The following DTD1 variants were observed in gnomAD, a reference collection of about 807,000 sequenced individuals.
DTD1 encodes D-tyrosyl-tRNA deacylase 1 homolog.
A neutral mutation model predicts 25.6 loss-of-function variants in DTD1; 13 were observed. The ratio of observed to expected loss-of-function variants is 0.51; its 90% confidence interval spans 0.33 to 0.81. The LOEUF is 0.81. Among genes scored for constraint, DTD1 ranks in the 30% least tolerant of loss-of-function variants. The probability of loss-of-function intolerance (pLI) is 0.02; values close to 1 mark genes in which losing one functional copy is unlikely to be tolerated. For missense variants in DTD1, 193 were observed against 266.4 expected (o/e 0.72, Z 1.92); for synonymous variants, 110 against 103.6 (o/e 1.06, Z -0.37).
intron 4 of DTD1, among the ~76,000 whole-genome samples, chr20:18,724,085 G>A (rs1385430912): frequency 6.6e-6 from 1 of 152,178 alleles, no homozygotes; most frequent in East Asian, 1.9e-4. Flanking sequence ...AGACTTTCCT[G>A]GAAGCCCCTG....
chr20:18,692,697 C>T (rs576964797), intron 4 of DTD1, among the ~76,000 whole-genome samples: 3 of 152,264 alleles, frequency 2.0e-5, no homozygotes, highest in African/African-American at 7.2e-5. Context: ...AACCTTGGCT[C>T]CTAGCACTTG....
At chr20:18,731,004 A>C (rs918175360) in intron 4 of DTD1, among the ~76,000 whole-genome samples, 25 of 152,134 alleles carry the variant, frequency 1.6e-4, no homozygotes, top group Non-Finnish European at 2.6e-4. Context: ...CCCAACATAT[A>C]GTTTGTCAGT....
Position 18,661,272 on chromosome 20 carries a change from TGA to T in DTD1, c.477+33040_477+33041del, listed in dbSNP as rs1249813216. On this transcript the variant is annotated intron_variant, in intron 4 of 5. Transcript: ENST00000377452. ...TATAAATTTTAGAAAAAGCTGTCTG[TGA>T]CTACAAAAAATGATGCTGGGAATTT... 3.3e-5 allele frequency among the ~76,000 whole-genome samples: 5 copies of T among 152,280 alleles called. No individual in the cohort carries two copies. In the East Asian group the frequency reaches 9.6e-4, roughly 29 times the overall value.
chr20:18,614,477 G>A (rs1191799255), intron 3 of DTD1, among the ~76,000 whole-genome samples: 2 of 152,186 alleles, frequency 1.3e-5, no homozygotes, highest in African/African-American at 2.4e-5. Context: ...CAGTAAAGCC[G>A]CTGGAGTATC....
At chr20:18,733,578 C>T (rs1425978675) in intron 4 of DTD1, among the ~76,000 whole-genome samples, 1 of 152,218 alleles carries the variant, frequency 6.6e-6, no homozygotes, top group African/African-American at 2.4e-5. Flanking sequence ...GGTGTTCCAC[C>T]ATGTCCCCTT....
At chr20:18,694,779 C>A (rs890967483) in intron 4 of DTD1, among the ~76,000 whole-genome samples, 4 of 152,066 alleles carry the variant, frequency 2.6e-5, no homozygotes, top group Non-Finnish European at 4.4e-5. Context: ...TTGTAGACAT[C>A]TAGAAAACAA....
Position 18,631,853 on chromosome 20 carries a change from G to C in DTD1, c.477+3620G>C, listed in dbSNP as rs1028834687. 52 of 985,060 alleles carry C rather than the reference G, an allele frequency of 5.3e-5. No homozygotes were observed. In the Admixed American group the frequency reaches 7.4e-4, roughly 14 times the overall value. The allele number at this position is 985,060 out of a possible 1,614,324, so 61.0% of individuals were successfully genotyped here. ...CATTCTAAATATTTTTCTGGAAATGGTAGAATAGTACATTTTGCCTTTAGA... is the reference window on the plus strand; with the variant it reads ...CATTCTAAATATTTTTCTGGAAATGCTAGAATAGTACATTTTGCCTTTAGA... On this transcript the variant is annotated intron_variant, in intron 4 of 5. Coordinates refer to ENST00000377452, the MANE Select transcript of DTD1 (RefSeq NM_080820.6).
At chr20:18,760,532 G>A (rs2061357320) in intron 5 of DTD1, among the ~76,000 whole-genome samples, 1 of 152,164 alleles carries the variant, frequency 6.6e-6, no homozygotes, top group African/African-American at 2.4e-5. Flanking sequence ...TATCAGCAGT[G>A]GAGGCTGCAG....
chr20:18,722,676 C>A (rs2061208747), intron 4 of DTD1, among the ~76,000 whole-genome samples: 2 of 152,182 alleles, frequency 1.3e-5, no homozygotes, highest in Admixed American at 6.5e-5. Flanking sequence ...CATGGGCACA[C>A]TCAGTTTCCC....
Position 18,765,005 on chromosome 20 carries a change from G to A in DTD1, c.*1665G>A, listed in dbSNP as rs1401969625. On this transcript the variant is annotated 3_prime_UTR_variant, in exon 6 of 6. Transcript: ENST00000377452. ...GCCTGTCCTTGTAGTAAGGGGTAAC[G>A]AGGATTGCATAGAGATACGACCTAA... 2 of 152,230 alleles carry A rather than the reference G, an allele frequency of 1.3e-5. No individual in the cohort carries two copies. Among genetic ancestry groups the A allele is most frequent in the African/African-American group, 2.4e-5 (1 of 41,446 alleles). The allele number at this position is 152,230 out of a possible 1,614,324, so 9.4% of individuals were successfully genotyped here. A position where few individuals can be genotyped will look rare whatever the true frequency, so the allele number is the denominator to read the frequency against.
intron 4 of DTD1, among the ~76,000 whole-genome samples, chr20:18,649,016 A>AAAAAAC: frequency 6.6e-6 from 1 of 150,880 alleles, no homozygotes; most frequent in Non-Finnish European, 1.5e-5. Context: ...AAAAAAAAAA[A>AAAAAAC]AAAGCAAATT....
At chr20:18,658,879 A>C (rs868175231) in intron 4 of DTD1, among the ~76,000 whole-genome samples, 29 of 152,270 alleles carry the variant, frequency 1.9e-4, no homozygotes, top group African/African-American at 5.3e-4. Flanking sequence ...TGAGCCTTGC[A>C]CTTAGAGAAG....
At chr20:18,693,248 G>T (rs1046813835) in intron 4 of DTD1, among the ~76,000 whole-genome samples, 9 of 152,200 alleles carry the variant, frequency 5.9e-5, no homozygotes, top group African/African-American at 2.2e-4. Context: ...TATTGTGGTG[G>T]TTGGTGGTGG....
At chr20:18,649,339 T>TTTC (rs1356992775) in intron 4 of DTD1, among the ~76,000 whole-genome samples, 5 of 112,318 alleles carry the variant, frequency 4.5e-5, no homozygotes, top group Non-Finnish European at 9.6e-5. Context: ...TTTTTTTTTT[T>TTTC]TTTTTTTTTT....
chr20:18,619,458 T>A (rs1897530466), intron 3 of DTD1, among the ~76,000 whole-genome samples: 1 of 152,100 alleles, frequency 6.6e-6, no homozygotes, highest in Non-Finnish European at 1.5e-5. Context: ...GGAGTGTCAC[T>A]CTGTTGTCCA....
intron 4 of DTD1, among the ~76,000 whole-genome samples, chr20:18,655,884 C>T (rs140002301): frequency 0.023 from 3,436 of 152,220 alleles, 116 homozygotes; most frequent in African/African-American, 0.077. Context: ...ATTCTCCTGC[C>T]TCAGCCTCCC....
intron 5 of DTD1, among the ~76,000 whole-genome samples, chr20:18,759,076 T>C (rs1259497034): frequency 6.6e-6 from 1 of 152,230 alleles, no homozygotes; most frequent in African/African-American, 2.4e-5. Flanking sequence ...TTTTTTGTTT[T>C]TTCATTTGCT....
At chr20:18,755,620 A>T (rs548652281) in intron 5 of DTD1, among the ~76,000 whole-genome samples, 2 of 152,328 alleles carry the variant, frequency 1.3e-5, no homozygotes, top group East Asian at 3.9e-4. Context: ...TTATGGTTGC[A>T]TAGTATTCCA....
Position 18,699,599 on chromosome 20 carries a change from A to G in DTD1, c.478-44501A>G, listed in dbSNP as rs1600377945. Reference sequence around the variant, plus strand: ...GAGCCCAGCTTGTGTGGGGATGGCTATAAAGTGGAAGAGGAGCCAGGGAAG... The same window carrying G: ...GAGCCCAGCTTGTGTGGGGATGGCTGTAAAGTGGAAGAGGAGCCAGGGAAG... On this transcript the variant is annotated intron_variant, in intron 4 of 5. Transcript: ENST00000377452. Among the ~76,000 whole-genome samples the G allele has an allele frequency of 2.0e-5, 3 of 152,154 alleles. No homozygotes were observed. In the South Asian group the frequency reaches 6.2e-4, roughly 31 times the overall value.
Sources: allele counts gnomAD v4.1 joint callset (sites outside exome capture counted in the v4.1 genomes callset), GRCh38; gene constraint gnomAD v4.1.1; transcripts MANE v1.5; gene names NCBI Gene and HGNC (gene_info 2026-07-23, HGNC 2026-07-21).